R3HDM1: variants seen among roughly 807,000 people sequenced by gnomAD.
The protein encoded by R3HDM1 is R3H domain-containing protein 1.
R3HDM1 carries 46 observed loss-of-function variants against 141.1 expected under a neutral mutation model. The observed-to-expected ratio is 0.33, with a 90% CI of 0.26 to 0.42. The LOEUF is 0.42. Ranked by LOEUF, R3HDM1 falls within the 10% of genes least tolerant of loss-of-function variation. R3HDM1 has a pLI of 1.00. For synonymous variants in R3HDM1, 435 were observed against 472.9 expected (o/e 0.92, Z 1.04); for missense variants, 1,184 against 1,368.3 (o/e 0.87, Z 2.12).
chr2:135,568,440 C>T (rs1255337224), intron 1 of R3HDM1, among the ~76,000 whole-genome samples: 2 of 152,090 alleles, frequency 1.3e-5, no homozygotes, highest in African/African-American at 4.8e-5. Flanking sequence ...TCCTCCACCT[C>T]GCAGGTTCGA....
chr2:135,586,683 A>G, intron 1 of R3HDM1: 1 of 985,206 alleles, frequency 1.0e-6, no homozygotes, highest in African/African-American at 1.7e-5. Context: ...ATATTTGTTT[A>G]GGTTGGTGGA....
chr2:135,719,527 T>C (rs2076505965), intron 24 of R3HDM1, among the ~76,000 whole-genome samples: 1 of 152,062 alleles, frequency 6.6e-6, no homozygotes, highest in Non-Finnish European at 1.5e-5. Flanking sequence ...AATGTTTGTA[T>C]ACTGAAATAT....
At chr2:135,531,861 C>G (rs1469030746) in intron 1 of R3HDM1, 1 of 984,562 alleles carries the variant, frequency 1.0e-6, no homozygotes, top group Non-Finnish European at 1.2e-6. Context: ...GTGAGCCAGG[C>G]TCGCCTGGCC....
At chr2:135,532,027 C>T (rs935076699) in intron 1 of R3HDM1, among the ~76,000 whole-genome samples, 1 of 152,250 alleles carries the variant, frequency 6.6e-6, no homozygotes, top group African/African-American at 2.4e-5. Flanking sequence ...GCCTCCGCGG[C>T]TGCTCTTGCA....
At chr2:135,651,514 A>G in intron 17 of R3HDM1, 1 of 951,464 alleles carries the variant, frequency 1.1e-6, no homozygotes, top group Non-Finnish European at 1.2e-6. Context: ...CATTCCCACT[A>G]GATATATTTT....
intron 26 of R3HDM1, 137 bp from the exon 27 acceptor site, chr2:135,723,800 A>AAG: frequency 3.5e-6 from 2 of 564,948 alleles, no homozygotes; most frequent in Non-Finnish European, 5.9e-6. Context: ...AAAAAAAAAA[A>AAG]AAAAAGATGG....
chr2:135,691,244 A>G (rs745644877), intron 21 of R3HDM1, among the ~76,000 whole-genome samples: 5 of 152,220 alleles, frequency 3.3e-5, no homozygotes, highest in Non-Finnish European at 5.9e-5. Flanking sequence ...TTCAGTGTGC[A>G]TACATATATA....
chr2:135,614,634 A>C (rs948121665), intron 3 of R3HDM1, among the ~76,000 whole-genome samples: 1 of 152,216 alleles, frequency 6.6e-6, no homozygotes, highest in Non-Finnish European at 1.5e-5. Context: ...TTACATTGAC[A>C]GTTAATGACC....
intron 20 of R3HDM1, among the ~76,000 whole-genome samples, chr2:135,678,042 A>G (rs2069517933): frequency 6.6e-6 from 1 of 151,972 alleles, no homozygotes; most frequent in African/African-American, 2.4e-5. Context: ...TTGGCTCACT[A>G]CAACCTCTGC....
intron 7 of R3HDM1, among the ~76,000 whole-genome samples, chr2:135,626,039 C>T (rs1426919478): frequency 6.6e-6 from 1 of 152,168 alleles, no homozygotes; most frequent in Non-Finnish European, 1.5e-5. Context: ...GTTCCAGAGG[C>T]CTAGACTTGG....
At chr2:135,565,837 G>T in intron 1 of R3HDM1, 1 of 152,936 alleles carries the variant, frequency 6.5e-6, no homozygotes, top group South Asian at 1.8e-4. Flanking sequence ...GAGTCCGGTG[G>T]AGTCAAAGGA....
rs534515840 is a variant in R3HDM1, at chr2:135,593,045, A to C, written c.-249-9455A>C. On this transcript the variant is annotated intron_variant, in intron 1 of 26. Transcript: ENST00000683871. ...AGCGATTCTCCTGCCTCAGCCTTCCAAATAGCTGGGATTACAGGCGCCTGC... is the reference window on the plus strand; with the variant it reads ...AGCGATTCTCCTGCCTCAGCCTTCCCAATAGCTGGGATTACAGGCGCCTGC... Among the ~76,000 whole-genome samples the C allele has an allele frequency of 8.6e-5, 13 of 151,846 alleles. 1 individual carries two copies. In the South Asian group the frequency reaches 2.7e-3, roughly 32 times the overall value.
chr2:135,602,564 T>C lies in R3HDM1; in HGVS notation c.-185T>C, dbSNP rs899430526. 2.0e-6 allele frequency: 3 copies of C among 1,510,822 alleles called. No homozygotes were observed. The African/African-American group carries it at 4.2e-5, about 21-fold the overall frequency. 93.6% of individuals were successfully genotyped at this position (1,510,822 alleles called of 1,614,324 possible). A position where few individuals can be genotyped will look rare whatever the true frequency, so the allele number is the denominator to read the frequency against. ...ATTCCAGTCCGGGAATCTACAGTGG[T>C]GACAAGGACATGGGACTCCTCCTGC... On this transcript the variant is annotated 5_prime_UTR_variant, in exon 2 of 27. It removes the in-frame stop codon of an upstream open reading frame in the 5' UTR. Transcript: ENST00000683871.
At chr2:135,610,239 A>G (rs970156205) in intron 3 of R3HDM1, among the ~76,000 whole-genome samples, 4 of 152,212 alleles carry the variant, frequency 2.6e-5, no homozygotes, top group African/African-American at 7.2e-5. Context: ...ACATGTGTAT[A>G]TGCACACAAT....
chr2:135,667,503 G>T (rs971734047), intron 19 of R3HDM1: 11 of 506,700 alleles, frequency 2.2e-5, no homozygotes, highest in African/African-American at 6.3e-5. Flanking sequence ...CAATATTGAC[G>T]TAAATTCCTA....
chr2:135,632,715 T>G (rs1013239778), intron 9 of R3HDM1, among the ~76,000 whole-genome samples: 4 of 152,218 alleles, frequency 2.6e-5, no homozygotes, highest in African/African-American at 9.6e-5. Context: ...TGAGTTCAGC[T>G]GAAATTTATA....
intron 3 of R3HDM1, among the ~76,000 whole-genome samples, chr2:135,609,384 C>T (rs551561423): frequency 2.0e-5 from 3 of 152,270 alleles, no homozygotes; most frequent in East Asian, 3.9e-4. Flanking sequence ...TGTGCATTAA[C>T]GTCAGGAAGT....
chr2:135,708,679 G>A (rs776962122), intron 21 of R3HDM1, among the ~76,000 whole-genome samples: 1 of 152,098 alleles, frequency 6.6e-6, no homozygotes, highest in Non-Finnish European at 1.5e-5. Context: ...GACTGCTCAG[G>A]CCAGGTGCAG....
chr2:135,616,118 T>C (rs770754500), intron 3 of R3HDM1, 34 bp from the exon 4 acceptor site: 1 of 1,597,952 alleles, frequency 6.3e-7, no homozygotes, highest in Non-Finnish European at 8.6e-7. Context: ...TGTTTCAGTA[T>C]GAAATTTAAT....
Sources: allele counts gnomAD v4.1 joint callset (sites outside exome capture counted in the v4.1 genomes callset), GRCh38; gene constraint gnomAD v4.1.1; transcripts MANE v1.5; gene names NCBI Gene and HGNC (gene_info 2026-07-23, HGNC 2026-07-21).